USP44: variants seen among roughly 807,000 people sequenced by gnomAD.
The protein encoded by USP44 is ubiquitin specific peptidase 44.
A neutral mutation model predicts 69.0 loss-of-function variants in USP44; 61 were observed. The observed-to-expected ratio is 0.88, with a 90% CI of 0.72 to 1.09. The LOEUF (loss-of-function observed/expected upper bound fraction) is 1.09. Ranked by LOEUF, USP44 falls within the 50% of genes least tolerant of loss-of-function variation. The pLI, the probability that USP44 is intolerant of heterozygous loss-of-function variation, is 0.00. For missense variants in USP44, 753 were observed against 849.9 expected, an observed-to-expected ratio of 0.89 and a Z score of 1.42; for synonymous variants, 297 against 295.4, an observed-to-expected ratio of 1.01 and a Z score of -0.06.
In USP44 at chr12:95,533,208, G is replaced by A. The variant is rs757186549; in HGVS notation, c.1049C>T (p.Ser350Leu). The A allele has an allele frequency of 1.9e-6, 3 of 1,614,068 alleles. No individual in the cohort carries two copies. The highest frequency in any genetic ancestry group is 2.5e-6 in the Non-Finnish European group (3 of 1,179,990). Residue 350 changes from serine to leucine, a missense_variant, in exon 2 of 6, where the codon TCA becomes TTA. Transcript: ENST00000258499. Reference sequence around the variant, plus strand: ...ACCACTTAGTCCTGATGACAGACTTGATTGTCTGGAGCAAACAAAACCTGT... The same window carrying A: ...ACCACTTAGTCCTGATGACAGACTTAATTGTCTGGAGCAAACAAAACCTGT... ...KDTGFVCSRQ[S>L]SLSSGLSGGA... is the part of the protein sequence containing the mutation.
intron 4 of USP44, among the ~76,000 whole-genome samples, chr12:95,522,778 CAAAAAAA>C (rs36010747): frequency 2.2e-4 from 22 of 99,020 alleles, no homozygotes; most frequent in East Asian, 6.2e-4. Context: ...AATTCTGGCT[CAAAAAAA>C]AAAAAAAAAA....
chr12:95,550,651 TA>T (rs2077708470), intron 1 of USP44, among the ~76,000 whole-genome samples: 1 of 152,242 alleles, frequency 6.6e-6, no homozygotes, highest in African/African-American at 2.4e-5. Context: ...GCTTTCCTAT[TA>T]TAATGCCATA....
intron 4 of USP44, among the ~76,000 whole-genome samples, chr12:95,522,696 T>C (rs1211952233): frequency 6.6e-6 from 1 of 150,492 alleles, no homozygotes; most frequent in African/African-American, 2.5e-5. Flanking sequence ...GAGAATCGCT[T>C]GAACCCGGGA....
At chr12:95,544,112 T>C (rs2077494785) in intron 1 of USP44, among the ~76,000 whole-genome samples, 2 of 130,812 alleles carry the variant, frequency 1.5e-5, no homozygotes, top group Admixed American at 1.6e-4. Flanking sequence ...TGGAGTGCAG[T>C]GGCACGATCT....
chr12:95,533,311 C>A lies in USP44; in HGVS notation c.946G>T (p.Glu316Ter). Residue 316 changes from glutamate (E) to a stop codon, truncating the protein, a stop_gained, in exon 2 of 6, where the codon GAG (glutamate) becomes TAG (stop). Coordinates refer to ENST00000258499, the MANE Select transcript of USP44 (RefSeq NM_032147.5). LOFTEE classifies it high-confidence loss of function. ...GGATGCTTACAAGATCTTGTCTTCT[C>A]GCTAGCAGTCATAGCCAGCCATTGG... is the stretch of plus-strand genomic sequence containing the variant. ...LNQWLAMTAS[E>*]KTRSCKHPPV... The A allele has an allele frequency of 6.2e-7, 1 of 1,613,946 alleles. No homozygotes were observed. The highest frequency in any genetic ancestry group is 8.5e-7 in the Non-Finnish European group (1 of 1,180,014).
intron 1 of USP44, among the ~76,000 whole-genome samples, chr12:95,540,965 C>T (rs1262202278): frequency 6.6e-6 from 1 of 152,152 alleles, no homozygotes; most frequent in Non-Finnish European, 1.5e-5. Flanking sequence ...CTGATCTCAC[C>T]ATACGGAAGT....
intron 5 of USP44, among the ~76,000 whole-genome samples, chr12:95,518,960 CTT>C (rs1404486289): frequency 6.6e-6 from 1 of 151,850 alleles, no homozygotes; most frequent in East Asian, 1.9e-4. Context: ...CAAACCAAAA[CTT>C]TTTGTGCCAA....
chr12:95,540,832 C>A lies in USP44; in HGVS notation c.-70-6506G>T, dbSNP rs185405116. On this transcript the variant is annotated intron_variant, in intron 1 of 5. Coordinates refer to ENST00000258499, the MANE Select transcript of USP44 (RefSeq NM_032147.5). ...CCTGCATACTATCCCACCAAATTAA[C>A]CTTTGAGTTTGCTCTGAGCCTTTAA... Among the ~76,000 whole-genome samples the A allele has an allele frequency of 1.2e-3, 178 of 152,304 alleles. 2 individuals carry two copies. Among genetic ancestry groups the A allele is most frequent in the Middle Eastern group, 3.4e-3 (1 of 294 alleles).
At chr12:95,532,190 C>T (rs929505610) in intron 2 of USP44, among the ~76,000 whole-genome samples, 5 of 115,516 alleles carry the variant, frequency 4.3e-5, no homozygotes, top group South Asian at 2.7e-4. Flanking sequence ...TTTTTTGAGA[C>T]GGAGTCTCGC....
chr12:95,544,860 TTA>T (rs1435893997), intron 1 of USP44, among the ~76,000 whole-genome samples: 1 of 152,140 alleles, frequency 6.6e-6, no homozygotes, highest in Non-Finnish European at 1.5e-5. Context: ...TATTTACATT[TTA>T]TATGTCTTAG....
intron 1 of USP44, among the ~76,000 whole-genome samples, chr12:95,537,920 T>C (rs1238659519): frequency 2.6e-5 from 4 of 152,202 alleles, no homozygotes; most frequent in Non-Finnish European, 4.4e-5. Context: ...CTTTACTCCT[T>C]TCTCTACTCT....
chr12:95,527,401 C>G (rs114521553), intron 3 of USP44, among the ~76,000 whole-genome samples: 4,317 of 151,842 alleles, frequency 0.028, 198 homozygotes, highest in African/African-American at 0.098. Flanking sequence ...AGCCCACACT[C>G]GATCATTATT....
intron 3 of USP44, among the ~76,000 whole-genome samples, chr12:95,527,496 T>C (rs900525270): frequency 6.6e-6 from 1 of 152,214 alleles, no homozygotes; most frequent in Admixed American, 6.5e-5. Context: ...TTTTTGTGTG[T>C]TTTTTTGAGA....
In USP44 at chr12:95,518,030, A is replaced by G; in HGVS notation, c.*124T>C. 1 of 1,010,164 alleles carries G rather than the reference A, an allele frequency of 9.9e-7. No homozygotes were observed. Among genetic ancestry groups the G allele is most frequent in the Non-Finnish European group, 1.4e-6 (1 of 716,452 alleles). 62.6% of individuals were successfully genotyped at this position (1,010,164 alleles called of 1,614,324 possible). A position where few individuals can be genotyped will look rare whatever the true frequency, so the allele number is the denominator to read the frequency against. On this transcript the variant is annotated 3_prime_UTR_variant, in exon 6 of 6. Transcript: ENST00000258499. ...ATACTTTGTAAAAAAAAAAATTGTT[A>G]GATATAAAATGTATAAATGTAGTAT...
intron 5 of USP44, among the ~76,000 whole-genome samples, chr12:95,519,364 T>C (rs982444582): frequency 4.6e-5 from 7 of 151,246 alleles, no homozygotes; most frequent in Admixed American, 4.0e-4. Context: ...ATAATGTCTA[T>C]GCAAAAAAAT....
intron 1 of USP44, 95 bp downstream of exon 1, chr12:95,551,177 C>T (rs534907273): frequency 1.3e-5 from 2 of 152,120 alleles, no homozygotes; most frequent in Non-Finnish European, 2.9e-5. Context: ...TAACCCGTCT[C>T]ATCGAATCTA....
At chr12:95,526,571 C>CA (rs916903279) in intron 3 of USP44, among the ~76,000 whole-genome samples, 17 of 151,324 alleles carry the variant, frequency 1.1e-4, no homozygotes, top group African/African-American at 3.9e-4. Context: ...GATTCTGTCT[C>CA]AAAAAAACAA....
chr12:95,527,061 C>T lies in USP44; in HGVS notation c.1624+1746G>A, dbSNP rs149012741. 2.6e-5 allele frequency among the ~76,000 whole-genome samples: 4 copies of T among 151,874 alleles called. No individual in the cohort carries two copies. The East Asian group carries it at 7.7e-4, about 29-fold the overall frequency. ...GCATTTTATCCCTCACCCCTCCCAC[C>T]CTCTCCCCTGAATCTGTAAAGTCCA... is the stretch of plus-strand genomic sequence containing the variant. On this transcript the variant is annotated intron_variant, in intron 3 of 5. Transcript: ENST00000258499.
At chr12:95,540,274 C>G (rs1438603158) in intron 1 of USP44, among the ~76,000 whole-genome samples, 1 of 151,084 alleles carries the variant, frequency 6.6e-6, no homozygotes, top group Non-Finnish European at 1.5e-5. Flanking sequence ...CTAACAGATA[C>G]TATATTATCA....
Sources: gnomAD v4.1 joint callset for allele counts (sites outside exome capture counted in the v4.1 genomes callset) on GRCh38, gnomAD v4.1.1 for gene constraint, MANE v1.5 for transcripts, NCBI Gene and HGNC (gene_info 2026-07-23, HGNC 2026-07-21) for gene names.